The following CORIN variants were observed in gnomAD, a reference collection of about 807,000 sequenced individuals.
CORIN encodes the protein atrial natriuretic peptide-converting enzyme.
Under a neutral mutation model 125.3 loss-of-function variants are expected in CORIN, and 117 were observed. The ratio of observed to expected loss-of-function variants is 0.93; its 90% CI spans 0.80 to 1.09. The LOEUF (loss-of-function observed/expected upper bound fraction) is 1.09, where lower values mean the gene tolerates loss of function less well. Ranked by LOEUF, CORIN falls within the 50% of genes least tolerant of loss-of-function variation. The pLI, the probability that CORIN is intolerant of heterozygous loss-of-function variation, is 0.00. For synonymous variants in CORIN, 450 were observed against 466.4 expected (o/e 0.96, Z 0.45); for missense variants, 1,253 against 1,306.7 (o/e 0.96, Z 0.63).
At chr4:47,820,628 C>T (rs975393887) in intron 1 of CORIN, among the ~76,000 whole-genome samples, 1 of 151,972 alleles carries the variant, frequency 6.6e-6, no homozygotes, top group African/African-American at 2.4e-5. Context: ...ACTAGGGTGC[C>T]TATCAGAAGC....
chr4:47,769,772 A>C (rs909771692), intron 3 of CORIN, among the ~76,000 whole-genome samples: 3 of 152,134 alleles, frequency 2.0e-5, no homozygotes, highest in African/African-American at 7.2e-5. Context: ...GGGAAACAAC[A>C]GTCTCTTCAA....
intron 13 of CORIN, among the ~76,000 whole-genome samples, chr4:47,649,368 C>A (rs1282397059): frequency 6.6e-6 from 1 of 152,220 alleles, no homozygotes; most frequent in Admixed American, 6.5e-5. Context: ...TTTAGCCTGA[C>A]AGACCAGCCC....
intron 10 of CORIN, among the ~76,000 whole-genome samples, chr4:47,669,161 A>G (rs1445430905): frequency 1.3e-5 from 2 of 152,166 alleles, no homozygotes; most frequent in East Asian, 3.9e-4. Context: ...AAAGAAAAAA[A>G]TCCTGATGGA....
At chr4:47,747,043 C>T (rs1236719697) in intron 4 of CORIN, among the ~76,000 whole-genome samples, 3 of 152,148 alleles carry the variant, frequency 2.0e-5, no homozygotes, top group East Asian at 1.9e-4. Context: ...CTAGGCTTGT[C>T]GTTGGTGTTC....
At chr4:47,712,235 C>T (rs1239948015) in intron 5 of CORIN, among the ~76,000 whole-genome samples, 1 of 152,044 alleles carries the variant, frequency 6.6e-6, no homozygotes, top group South Asian at 2.1e-4. Flanking sequence ...TAATATGACA[C>T]ATTATCATGA....
At chr4:47,775,517 C>T (rs1185991825) in intron 3 of CORIN, among the ~76,000 whole-genome samples, 4 of 152,110 alleles carry the variant, frequency 2.6e-5, no homozygotes, top group Non-Finnish European at 4.4e-5. Context: ...TGGTTTCCAG[C>T]TTCATCCATG....
At chr4:47,733,084 T>C (rs1727961001) in intron 5 of CORIN, among the ~76,000 whole-genome samples, 1 of 152,228 alleles carries the variant, frequency 6.6e-6, no homozygotes, top group African/African-American at 2.4e-5. Context: ...ACATAGAATA[T>C]ACTTACTACA....
At chr4:47,646,615 G>A (rs1302654590) in intron 13 of CORIN, among the ~76,000 whole-genome samples, 2 of 152,172 alleles carry the variant, frequency 1.3e-5, no homozygotes, top group Non-Finnish European at 2.9e-5. Context: ...TGAAGGAAGA[G>A]ACTACATGGC....
intron 5 of CORIN, among the ~76,000 whole-genome samples, chr4:47,699,966 G>A (rs1726213331): frequency 6.6e-6 from 1 of 152,170 alleles, no homozygotes; most frequent in Non-Finnish European, 1.5e-5. Flanking sequence ...AGAACTCTAG[G>A]TTAGCAAGGA....
intron 12 of CORIN, among the ~76,000 whole-genome samples, chr4:47,655,621 G>C (rs573446896): frequency 6.6e-6 from 1 of 152,174 alleles, no homozygotes; most frequent in African/African-American, 2.4e-5. Flanking sequence ...AAGAGGAAGA[G>C]TGAGAAGAAC....
intron 3 of CORIN, among the ~76,000 whole-genome samples, chr4:47,778,743 T>A (rs577765335): frequency 2.6e-5 from 4 of 152,166 alleles, no homozygotes; most frequent in Admixed American, 6.5e-5. Flanking sequence ...TGATTTAATA[T>A]ATAGAGGAGA....
intron 5 of CORIN, chr4:47,706,977 G>C: frequency 2.5e-6 from 4 of 1,581,062 alleles, no homozygotes; most frequent in Non-Finnish European, 3.4e-6. Flanking sequence ...CAGCTCCACC[G>C]TTACCGCTAA....
chr4:47,623,496 C>G, intron 19 of CORIN, 75 bp downstream of exon 19: 1 of 1,487,666 alleles, frequency 6.7e-7, no homozygotes, highest in Non-Finnish European at 9.2e-7. Context: ...CATGGAGTTA[C>G]ATATGCCACT....
At chr4:47,649,327 A>G (rs1723632573) in intron 13 of CORIN, among the ~76,000 whole-genome samples, 1 of 152,204 alleles carries the variant, frequency 6.6e-6, no homozygotes, top group South Asian at 2.1e-4. Flanking sequence ...TGAGTTTACT[A>G]TGTGAGCCAG....
intron 2 of CORIN, among the ~76,000 whole-genome samples, chr4:47,798,149 G>A (rs1731379961): frequency 6.6e-6 from 1 of 152,002 alleles, no homozygotes; most frequent in South Asian, 2.1e-4. Context: ...TTAGTGGTTG[G>A]GTTGAAAAAC....
chr4:47,688,294 T>C (rs1207590079), intron 6 of CORIN, among the ~76,000 whole-genome samples: 1 of 152,204 alleles, frequency 6.6e-6, no homozygotes, highest in Non-Finnish European at 1.5e-5. Context: ...GCTTGTGTTA[T>C]ACTGTTTTAA....
chr4:47,684,255 T>C (rs1375188879), intron 6 of CORIN, among the ~76,000 whole-genome samples: 1 of 152,218 alleles, frequency 6.6e-6, no homozygotes, highest in East Asian at 1.9e-4. Flanking sequence ...ATAAAATAAG[T>C]CATTTAGATT....
At chr4:47,689,250 T>C (rs956632925) in intron 6 of CORIN, among the ~76,000 whole-genome samples, 1 of 152,206 alleles carries the variant, frequency 6.6e-6, no homozygotes, top group African/African-American at 2.4e-5. Context: ...ATGCAAGACA[T>C]TGGTCTATAT....
chr4:47,625,616 C>G (rs953777518), intron 17 of CORIN, among the ~76,000 whole-genome samples: 11 of 152,042 alleles, frequency 7.2e-5, no homozygotes, highest in Non-Finnish European at 1.3e-4. Context: ...AGGAAATGGT[C>G]CATTTTTAGT....
Sources: gnomAD v4.1 joint callset for allele counts (sites outside exome capture counted in the v4.1 genomes callset) on GRCh38, gnomAD v4.1.1 for gene constraint, MANE v1.5 for transcripts, NCBI Gene and HGNC (gene_info 2026-07-23, HGNC 2026-07-21) for gene names.